The following RPS6KA5 variants were observed in gnomAD, a reference collection of about 807,000 sequenced individuals.
RPS6KA5 encodes the protein ribosomal protein S6 kinase alpha-5.
In RPS6KA5, 27 loss-of-function variants were observed where a neutral mutation model predicts 85.5. The ratio of observed to expected loss-of-function variants is 0.32; its 90% CI spans 0.23 to 0.44. RPS6KA5 has a LOEUF of 0.44. Among genes scored for constraint, RPS6KA5 ranks in the 20% least tolerant of loss-of-function variants. The pLI, the probability that RPS6KA5 is intolerant of heterozygous loss-of-function variation, is 1.00. For synonymous variants in RPS6KA5, 334 were observed against 348.2 expected, an observed-to-expected ratio of 0.96 and a Z score of 0.46; for missense variants, 811 against 980.9, an observed-to-expected ratio of 0.83 and a Z score of 2.31.
intron 7 of RPS6KA5, among the ~76,000 whole-genome samples, chr14:90,917,339 C>T (rs2036170534): frequency 6.6e-6 from 1 of 152,060 alleles, no homozygotes; most frequent in African/African-American, 2.4e-5. Context: ...AAAAGGTACA[C>T]TTTAAATTTT....
intron 1 of RPS6KA5, among the ~76,000 whole-genome samples, chr14:91,029,678 TAAG>T (rs2042111605): frequency 6.6e-6 from 1 of 152,156 alleles, no homozygotes; most frequent in Admixed American, 6.5e-5. Flanking sequence ...GTTGTGGAGA[TAAG>T]AAGACTTAAA....
At chr14:90,934,447 C>T (rs2037156520) in intron 5 of RPS6KA5, among the ~76,000 whole-genome samples, 1 of 152,142 alleles carries the variant, frequency 6.6e-6, no homozygotes, top group South Asian at 2.1e-4. Context: ...GTCCCTGACA[C>T]TCAGCATAGT....
chr14:90,907,254 A>C (rs1024219832), intron 7 of RPS6KA5, among the ~76,000 whole-genome samples: 1 of 152,208 alleles, frequency 6.6e-6, no homozygotes, highest in Non-Finnish European at 1.5e-5. Flanking sequence ...ACAGATAATT[A>C]ATGTATAAGA....
chr14:90,950,923 C>G (rs966921352), intron 3 of RPS6KA5, among the ~76,000 whole-genome samples: 3 of 151,022 alleles, frequency 2.0e-5, no homozygotes, highest in African/African-American at 7.3e-5. Context: ...GGGTTTGAGA[C>G]TAGCCTGGCC....
At chr14:90,956,544 T>C (rs1045786103) in intron 3 of RPS6KA5, among the ~76,000 whole-genome samples, 12 of 152,156 alleles carry the variant, frequency 7.9e-5, no homozygotes, top group Admixed American at 3.3e-4. Flanking sequence ...CAATTTTACT[T>C]TTTTGTTTTC....
chr14:90,971,564 G>A (rs777681283), intron 3 of RPS6KA5, among the ~76,000 whole-genome samples: 6 of 152,180 alleles, frequency 3.9e-5, no homozygotes, highest in Non-Finnish European at 8.8e-5. Flanking sequence ...AGTCTATTCC[G>A]TATCTGGTTA....
At chr14:90,986,002 A>G (rs1003668656) in intron 2 of RPS6KA5, among the ~76,000 whole-genome samples, 1 of 152,226 alleles carries the variant, frequency 6.6e-6, no homozygotes, top group African/African-American at 2.4e-5. Flanking sequence ...TGAAACAACT[A>G]TAAAAGGCTA....
At chr14:90,985,626 C>G (rs1367324380) in intron 2 of RPS6KA5, among the ~76,000 whole-genome samples, 1 of 152,188 alleles carries the variant, frequency 6.6e-6, no homozygotes, top group Non-Finnish European at 1.5e-5. Flanking sequence ...AACTATTGAA[C>G]TTGAACTACC....
intron 3 of RPS6KA5, among the ~76,000 whole-genome samples, chr14:90,954,196 T>A (rs961271233): frequency 6.6e-6 from 1 of 152,246 alleles, no homozygotes; most frequent in Non-Finnish European, 1.5e-5. Context: ...CATTGAAATA[T>A]TGGGGACAGG....
chr14:90,925,047 T>C (rs1460453799), intron 5 of RPS6KA5, among the ~76,000 whole-genome samples: 1 of 152,212 alleles, frequency 6.6e-6, no homozygotes, highest in African/African-American at 2.4e-5. Flanking sequence ...AATGTTTGAC[T>C]GATTTTTAAA....
At chr14:91,000,532 C>T (rs2040739321) in intron 2 of RPS6KA5, among the ~76,000 whole-genome samples, 1 of 152,150 alleles carries the variant, frequency 6.6e-6, no homozygotes, top group Admixed American at 6.5e-5. Context: ...CGCAGTGGCT[C>T]ATGCCTATAA....
At chr14:90,876,489 T>C (rs931166358) in intron 14 of RPS6KA5, among the ~76,000 whole-genome samples, 10 of 152,254 alleles carry the variant, frequency 6.6e-5, no homozygotes, top group African/African-American at 2.4e-4. Flanking sequence ...CTTTATAAAG[T>C]TAACAGAATA....
At chr14:90,997,457 T>A (rs1483069388) in intron 2 of RPS6KA5, among the ~76,000 whole-genome samples, 2 of 152,172 alleles carry the variant, frequency 1.3e-5, no homozygotes, top group African/African-American at 4.8e-5. Context: ...CATGGCATAC[T>A]GCAGCCTCAA....
chr14:90,917,589 C>G (rs1488257118), intron 7 of RPS6KA5, among the ~76,000 whole-genome samples: 1 of 152,130 alleles, frequency 6.6e-6, no homozygotes, highest in Admixed American at 6.6e-5. Flanking sequence ...TAGGCAACTG[C>G]TATTCTGCTT....
intron 3 of RPS6KA5, among the ~76,000 whole-genome samples, chr14:90,948,099 G>C (rs1024856641): frequency 6.6e-6 from 1 of 152,292 alleles, no homozygotes; most frequent in East Asian, 1.9e-4. Context: ...CAAAGATTCT[G>C]AAAGTAGAAG....
At chr14:90,920,824 T>C (rs1409948769) in intron 6 of RPS6KA5, among the ~76,000 whole-genome samples, 1 of 152,044 alleles carries the variant, frequency 6.6e-6, no homozygotes, top group Admixed American at 6.5e-5. Flanking sequence ...AAATGTGTTC[T>C]AATTTGGAAA....
intron 2 of RPS6KA5, among the ~76,000 whole-genome samples, chr14:90,991,518 A>G (rs1346521000): frequency 6.6e-6 from 1 of 152,092 alleles, no homozygotes; most frequent in African/African-American, 2.4e-5. Flanking sequence ...CCTGGCTAAC[A>G]TGGTGAAACC....
chr14:90,876,937 G>C (rs953568646), intron 14 of RPS6KA5, among the ~76,000 whole-genome samples: 1 of 152,184 alleles, frequency 6.6e-6, no homozygotes, highest in South Asian at 2.1e-4. Flanking sequence ...TGGTGAAACA[G>C]CTCTTACACA....
Position 90,978,368 on chromosome 14 carries a change from G to A in RPS6KA5, c.332C>T (p.Ser111Leu). 1.2e-6 allele frequency: 2 copies of A among 1,613,034 alleles called. No individual in the cohort carries two copies. Among genetic ancestry groups the A allele is most frequent in the Non-Finnish European group, 1.7e-6 (2 of 1,179,652 alleles). ...ERQVLEHIRQSPFLVTLHYAF... is the reference protein window; with the variant it reads ...ERQVLEHIRQLPFLVTLHYAF... ...ATAATGTAATGTTACCAAAAATGGC[G>A]ACTGCCTAATGTGTTCCAGGACTTG... Residue 111 changes from serine to leucine, a missense_variant, in exon 3 of 17, where the codon TCG becomes TTG. Physicochemically the swap from Ser to Leu is moderately radical, Grantham distance 145. This residue lies in a region of RPS6KA5 where 48 missense variants were observed against 87.6 expected (regional missense o/e 0.55). Transcript: ENST00000614987.
Sources: allele counts gnomAD v4.1 joint callset (sites outside exome capture counted in the v4.1 genomes callset), GRCh38; gene constraint gnomAD v4.1.1; regional missense constraint gnomAD v4.1.1; transcripts MANE v1.5; gene names NCBI Gene and HGNC (gene_info 2026-07-23, HGNC 2026-07-21).